Variants in PRKRA observed in about 807,000 individuals in gnomAD.
PRKRA encodes protein activator of interferon induced protein kinase EIF2AK2, also known as interferon-inducible double-stranded RNA-dependent protein kinase activator A.
In PRKRA, 22 loss-of-function variants were observed where a neutral mutation model predicts 32.4. The observed-to-expected ratio is 0.68, with a 90% CI of 0.49 to 0.97. PRKRA has a LOEUF of 0.97. PRKRA is among the 50% of genes least tolerant of loss of function. The probability of loss-of-function intolerance (pLI) is 0.00; values close to 1 mark genes in which losing one functional copy is unlikely to be tolerated. For synonymous variants in PRKRA, 139 were observed against 129.8 expected (o/e 1.07, Z -0.48); for missense variants, 319 against 375.6 (o/e 0.85, Z 1.25).
chr2:178,447,299 G>T, intron 3 of PRKRA: 10 of 772,836 alleles, frequency 1.3e-5, no homozygotes, highest in East Asian at 8.9e-5. Flanking sequence ...CCTAGTTCAT[G>T]AGCACCTTCA....
intron 4 of PRKRA, 44 bp from the exon 5 acceptor site, chr2:178,443,428 G>T: frequency 2.4e-6 from 3 of 1,237,322 alleles, no homozygotes; most frequent in Non-Finnish European, 3.6e-6. Context: ...TTATGCAATG[G>T]CTCAATCACA....
intron 6 of PRKRA, chr2:178,439,384 C>T (rs1697030356): frequency 6.6e-6 from 1 of 152,122 alleles, no homozygotes; most frequent in African/African-American, 2.4e-5. Context: ...TAATTTTTAG[C>T]TTTTTATTTT....
intron 2 of PRKRA, among the ~76,000 whole-genome samples, chr2:178,449,501 A>G (rs1697457206): frequency 6.7e-6 from 1 of 149,892 alleles, no homozygotes; most frequent in Non-Finnish European, 1.5e-5. Flanking sequence ...GTTTGCAATT[A>G]AATAGATACA....
chr2:178,450,351 G>A lies in PRKRA; in HGVS notation c.126C>T (p.Tyr42=). ...GKTPIQVLHE[Y]GMKTKNIPVY... is the part of the protein sequence containing the mutation. ...CTGGGATGTTCTTGGTCTTCATGCC[G>A]TATTCGTGTAATACCTGAATCGGTG... Residue 42 remains tyrosine (Y), a synonymous_variant, in exon 2 of 8, where the codon TAC becomes TAT. Transcript: ENST00000325748. 1 of 1,614,276 alleles carries A rather than the reference G, an allele frequency of 6.2e-7. No homozygotes were observed. The highest frequency in any genetic ancestry group is 8.5e-7 in the Non-Finnish European group (1 of 1,180,052).
chr2:178,450,521 C>T (rs1367641134), intron 1 of PRKRA, 110 bp from the exon 2 acceptor site: 6 of 1,513,482 alleles, frequency 4.0e-6, no homozygotes, highest in Non-Finnish European at 4.5e-6. Context: ...GCGCCGAGTT[C>T]CCCGGAGGCC....
At position 178,451,085 on chromosome 2, in the gene PRKRA, C is replaced by G; in HGVS notation, c.-55G>C. 6.6e-7 allele frequency: 1 copy of G among 1,525,876 alleles called. No individual in the cohort carries two copies. The highest frequency in any genetic ancestry group is 8.8e-7 in the Non-Finnish European group (1 of 1,139,390). The allele number at this position is 1,525,876 out of a possible 1,614,324, so 94.5% of individuals were successfully genotyped here. ...GAAGAGCGGTGCGGAGCGACGTGCTCGCTCCCCGGGTCGCTGGTCCCCGGG... is the reference window on the plus strand; with the variant it reads ...GAAGAGCGGTGCGGAGCGACGTGCTGGCTCCCCGGGTCGCTGGTCCCCGGG... On this transcript the variant is annotated 5_prime_UTR_variant, in exon 1 of 8. Coordinates refer to ENST00000325748, the MANE Select transcript of PRKRA (RefSeq NM_003690.5).
chr2:178,450,792 G>A lies in PRKRA; in HGVS notation c.65+174C>T, dbSNP rs1575105840. 15 of 1,338,678 alleles carry A rather than the reference G, an allele frequency of 1.1e-5. No homozygotes were observed. The East Asian group carries it at 4.6e-4, about 41-fold the overall frequency. The allele number at this position is 1,338,678 out of a possible 1,614,324, so 82.9% of individuals were successfully genotyped here. ...GGGACCACGAGAGGGGCGGGGCCCG[G>A]CCGCAGACCCCAACCCTCGCCGCCG... On this transcript the variant is annotated intron_variant, in intron 1 of 7. Transcript: ENST00000325748.
rs757501551 is a variant in PRKRA at position 178,432,103 on chromosome 2, T to C, written c.936A>G (p.Arg312=). ...TTTTTAAGTTGCTCCAGATTTACTT[T>C]CTTTCTGCTATTATCTTTAAATACT... The part of the protein sequence containing the change: ...ALQYLKIIAE[R]K Residue 312 remains arginine (R), a synonymous_variant, in exon 8 of 8, where the codon AGA becomes AGG. Transcript: ENST00000325748. 3 of 1,614,210 alleles carry C rather than the reference T, an allele frequency of 1.9e-6. No individual in the cohort carries two copies. Among genetic ancestry groups the C allele is most frequent in the Non-Finnish European group, 1.7e-6 (2 of 1,180,026 alleles).
At position 178,437,700 on chromosome 2, in the gene PRKRA, T is replaced by C. The variant is rs57164203; in HGVS notation, c.610-1381A>G. On this transcript the variant is annotated intron_variant, in intron 6 of 7. Transcript: ENST00000325748. ...CAACTGTCTTGGAGGGGGCTTGTTTTCTCATACCCTCACTAATACCAGCTA... is the reference window on the plus strand; with the variant it reads ...CAACTGTCTTGGAGGGGGCTTGTTTCCTCATACCCTCACTAATACCAGCTA... Among the ~76,000 whole-genome samples, 208 of 152,370 alleles carry C rather than the reference T, an allele frequency of 1.4e-3. 2 individuals carry two copies. The highest frequency in any genetic ancestry group is 4.0e-3 in the African/African-American group (168 of 41,590).
At chr2:178,447,229 T>G (rs1017915902) in intron 3 of PRKRA, 6 of 386,704 alleles carry the variant, frequency 1.6e-5, no homozygotes, top group African/African-American at 1.2e-4. Flanking sequence ...AATATTAATA[T>G]TTGCAAGAAG....
chr2:178,434,984 C>T (rs1255104384), intron 7 of PRKRA, among the ~76,000 whole-genome samples: 1 of 151,088 alleles, frequency 6.6e-6, no homozygotes, highest in Non-Finnish European at 1.5e-5. Flanking sequence ...TTTGGGAGGC[C>T]GAGGTGGGTG....
chr2:178,435,383 C>CAAAAAAAAA (rs765962501), intron 7 of PRKRA, among the ~76,000 whole-genome samples: 1 of 61,436 alleles, frequency 1.6e-5, no homozygotes, highest in Non-Finnish European at 3.4e-5. Flanking sequence ...TACTCCGTCT[C>CAAAAAAAAA]AAAAAAAAAA....
intron 3 of PRKRA, 115 bp downstream of exon 3, chr2:178,447,390 G>A: frequency 6.9e-7 from 1 of 1,449,352 alleles, no homozygotes; most frequent in Non-Finnish European, 9.3e-7. Flanking sequence ...TAGAATTTGA[G>A]AGGTAGGATG....
chr2:178,446,760 G>A (rs990924767), intron 3 of PRKRA, among the ~76,000 whole-genome samples: 3 of 152,214 alleles, frequency 2.0e-5, no homozygotes, highest in Non-Finnish European at 2.9e-5. Flanking sequence ...TTGGGAGGCC[G>A]AGGCTGGCGG....
intron 6 of PRKRA, among the ~76,000 whole-genome samples, chr2:178,441,401 G>C (rs1229125416): frequency 6.6e-6 from 1 of 152,204 alleles, no homozygotes; most frequent in East Asian, 1.9e-4. Context: ...GAATTTGACT[G>C]TGTCTCCCAA....
chr2:178,442,218 ATTTGT>A (rs574121549), intron 5 of PRKRA, among the ~76,000 whole-genome samples: 17 of 152,188 alleles, frequency 1.1e-4, no homozygotes, highest in South Asian at 4.1e-4. Context: ...TTTTGAAGAC[ATTTGT>A]TTTAAGTTTT....
At chr2:178,441,909 C>T (rs62176108) in intron 5 of PRKRA, among the ~76,000 whole-genome samples, 73 of 126,980 alleles carry the variant, frequency 5.7e-4, no homozygotes, top group Admixed American at 2.0e-3. Flanking sequence ...TTTTTTGAGA[C>T]GGACCCTCAC....
At chr2:178,441,233 AC>A (rs1697102139) in intron 6 of PRKRA, among the ~76,000 whole-genome samples, 1 of 152,200 alleles carries the variant, frequency 6.6e-6, no homozygotes, top group African/African-American at 2.4e-5. Context: ...TATTCACTGC[AC>A]CCCAGTACCC....
At chr2:178,445,108 C>A (rs749586691) in intron 3 of PRKRA, among the ~76,000 whole-genome samples, 9 of 152,190 alleles carry the variant, frequency 5.9e-5, no homozygotes, top group Non-Finnish European at 1.2e-4. Flanking sequence ...CTGCTCAGTG[C>A]TGGGATAATC....
Sources: allele counts gnomAD v4.1 joint callset (sites outside exome capture counted in the v4.1 genomes callset), GRCh38; gene constraint gnomAD v4.1.1; transcripts MANE v1.5; gene names NCBI Gene and HGNC (gene_info 2026-07-23, HGNC 2026-07-21).